SUGCT: variants seen among roughly 807,000 people sequenced by gnomAD.
The protein encoded by SUGCT is succinyl-CoA:glutarate CoA-transferase.
Under a neutral mutation model 55.0 loss-of-function variants are expected in SUGCT, and 41 were observed. That is an observed-to-expected ratio of 0.74 (90% CI 0.58 to 0.97). The LOEUF (loss-of-function observed/expected upper bound fraction) is 0.97. SUGCT is among the 50% of genes least tolerant of loss of function. SUGCT has a pLI of 0.00. For synonymous variants in SUGCT, 187 were observed against 200.4 expected (o/e 0.93, Z 0.56); for missense variants, 568 against 547.8 (o/e 1.04, Z -0.37).
the SUGCT span, among the ~76,000 whole-genome samples, chr7:40,886,402 G>C: frequency 6.6e-6 from 1 of 152,106 alleles, no homozygotes; most frequent in Non-Finnish European, 1.5e-5. Flanking sequence ...GCTACTGTGG[G>C]GATGAACACT....
chr7:40,654,590 T>A (rs1800928841), intron 12 of SUGCT, among the ~76,000 whole-genome samples: 1 of 152,218 alleles, frequency 6.6e-6, no homozygotes, highest in Admixed American at 6.5e-5. Flanking sequence ...TCCCGTGTCT[T>A]GCATGTCATT....
At chr7:40,339,159 TG>T (rs756010649) in intron 9 of SUGCT, among the ~76,000 whole-genome samples, 1 of 152,124 alleles carries the variant, frequency 6.6e-6, no homozygotes, top group African/African-American at 2.4e-5. Flanking sequence ...CTGCCCCTAC[TG>T]GGGGGTACCT....
chr7:40,496,470 TA>T (rs1164053102), intron 12 of SUGCT, 84 bp downstream of exon 12: 5 of 900,722 alleles, frequency 5.6e-6, no homozygotes, highest in Non-Finnish European at 9.0e-6. Flanking sequence ...ATCGCAAGCT[TA>T]AGTCACATGA....
At chr7:40,927,485 C>A in the SUGCT span, among the ~76,000 whole-genome samples, 1 of 152,226 alleles carries the variant, frequency 6.6e-6, no homozygotes, top group East Asian at 1.9e-4. Flanking sequence ...ACCAACCAAC[C>A]AGAACCAGGC....
intron 12 of SUGCT, among the ~76,000 whole-genome samples, chr7:40,609,692 G>T (rs1798687167): frequency 6.6e-6 from 1 of 152,078 alleles, no homozygotes; most frequent in Non-Finnish European, 1.5e-5. Context: ...CAAATGGATT[G>T]TGACTATATA....
chr7:40,416,796 A>G (rs957898823), intron 9 of SUGCT, among the ~76,000 whole-genome samples: 1 of 152,010 alleles, frequency 6.6e-6, no homozygotes, highest in African/African-American at 2.4e-5. Flanking sequence ...AAGGCTTTCT[A>G]TTTTTAACTA....
chr7:40,255,719 T>C (rs1017376768), intron 7 of SUGCT, among the ~76,000 whole-genome samples: 2 of 149,176 alleles, frequency 1.3e-5, no homozygotes, highest in Non-Finnish European at 3.0e-5. Flanking sequence ...TTGTTTATGA[T>C]CTGTAGCTTT....
intron 13 of SUGCT, among the ~76,000 whole-genome samples, chr7:40,859,910 G>A (rs1395648375): frequency 1.3e-5 from 2 of 152,200 alleles, no homozygotes; most frequent in Non-Finnish European, 2.9e-5. Context: ...CAGCTGCTGG[G>A]TTGCTTTCAC....
At chr7:40,478,728 AG>A (rs2151483872) in intron 11 of SUGCT, among the ~76,000 whole-genome samples, 1 of 152,244 alleles carries the variant, frequency 6.6e-6, no homozygotes, top group African/African-American at 2.4e-5. Context: ...TACAGAATAA[AG>A]TATCGTTAAC....
At chr7:40,676,692 G>T (rs970816470) in intron 12 of SUGCT, among the ~76,000 whole-genome samples, 13 of 151,766 alleles carry the variant, frequency 8.6e-5, no homozygotes, top group African/African-American at 7.3e-5. Flanking sequence ...TAGTAGAGAC[G>T]GGGTTTCACC....
At chr7:40,427,928 A>T (rs1307387254) in intron 9 of SUGCT, among the ~76,000 whole-genome samples, 1 of 152,116 alleles carries the variant, frequency 6.6e-6, no homozygotes, top group African/African-American at 2.4e-5. Context: ...TGTGAGGTAC[A>T]TTTATTCCAT....
chr7:40,843,040 TC>T (rs1793353608), intron 13 of SUGCT, among the ~76,000 whole-genome samples: 1 of 152,146 alleles, frequency 6.6e-6, no homozygotes, highest in African/African-American at 2.4e-5. Context: ...ACTCAATCAG[TC>T]CCTCATTCAC....
At chr7:40,495,924 C>T (rs938651500) in intron 11 of SUGCT, among the ~76,000 whole-genome samples, 6 of 152,096 alleles carry the variant, frequency 3.9e-5, no homozygotes, top group African/African-American at 1.4e-4. Context: ...TATCCTAACC[C>T]GATTTCCACT....
chr7:40,948,911 A>T, the SUGCT span, among the ~76,000 whole-genome samples: 1 of 152,198 alleles, frequency 6.6e-6, no homozygotes, highest in Non-Finnish European at 1.5e-5. Context: ...GCTGCAATAA[A>T]CATACGTATG....
intron 13 of SUGCT, among the ~76,000 whole-genome samples, chr7:40,787,476 TAAG>T (rs1790070155): frequency 2.1e-5 from 1 of 48,626 alleles, no homozygotes; most frequent in Non-Finnish European, 4.9e-5. Context: ...CAGAGAAAAG[TAAG>T]ATCTCAGAGA....
chr7:40,692,080 C>T (rs561511743), intron 12 of SUGCT, among the ~76,000 whole-genome samples: 2 of 152,270 alleles, frequency 1.3e-5, no homozygotes, highest in East Asian at 3.9e-4. Context: ...CTCTGCCTCA[C>T]CTATCCTAGT....
intron 9 of SUGCT, among the ~76,000 whole-genome samples, chr7:40,439,062 GTGTA>G (rs1452765728): frequency 0.23 from 10,911 of 46,842 alleles, 2,312 homozygotes; most frequent in Non-Finnish European, 0.33. Flanking sequence ...TATATATATG[GTGTA>G]TATATATATA....
chr7:40,664,872 C>T lies in SUGCT; in HGVS notation c.1090-84562C>T, dbSNP rs546986285. On this transcript the variant is annotated intron_variant, in intron 12 of 13. Coordinates refer to ENST00000335693, the MANE Select transcript of SUGCT (RefSeq NM_001193313.2). ...GGAAGTGCCTGTAGTCCCAGCTGCTCGGGAGGCTGAGGCAGGAGAATGGCG... is the reference window on the plus strand; with the variant it reads ...GGAAGTGCCTGTAGTCCCAGCTGCTTGGGAGGCTGAGGCAGGAGAATGGCG... Among the ~76,000 whole-genome samples, 21 of 150,562 alleles carry T rather than the reference C, an allele frequency of 1.4e-4. No individual in the cohort carries two copies. In the South Asian group the frequency reaches 2.1e-3, roughly 15 times the overall value.
chr7:40,884,889 C>T, the SUGCT span, among the ~76,000 whole-genome samples: 1 of 152,154 alleles, frequency 6.6e-6, no homozygotes, highest in East Asian at 1.9e-4. Context: ...AATCTTTCAT[C>T]TGTCATAGTG....
Sources: allele counts gnomAD v4.1 joint callset (sites outside exome capture counted in the v4.1 genomes callset), GRCh38; gene constraint gnomAD v4.1.1; transcripts MANE v1.5; gene names NCBI Gene and HGNC (gene_info 2026-07-23, HGNC 2026-07-21).